Variants in CNST observed in about 807,000 individuals in gnomAD.
The protein encoded by CNST is consortin.
Under a neutral mutation model 72.4 loss-of-function variants are expected in CNST, and 39 were observed. The ratio of observed to expected loss-of-function variants is 0.54; its 90% CI spans 0.42 to 0.70. The LOEUF (loss-of-function observed/expected upper bound fraction) is 0.70. Ranked by LOEUF, CNST falls within the 30% of genes least tolerant of loss-of-function variation. The pLI, the probability that CNST is intolerant of heterozygous loss-of-function variation, is 0.00. For missense variants in CNST, 871 were observed against 868.5 expected, an observed-to-expected ratio of 1.00 and a Z score of -0.04; for synonymous variants, 332 against 320.1, an observed-to-expected ratio of 1.04 and a Z score of -0.40.
intron 5 of CNST, 176 bp from the exon 6 acceptor site, chr1:246,634,297 A>G: frequency 1.8e-6 from 1 of 570,010 alleles, no homozygotes; most frequent in Non-Finnish European, 3.1e-6. Flanking sequence ...AGTCTCTAGG[A>G]TGATATTTAC....
intron 1 of CNST, among the ~76,000 whole-genome samples, chr1:246,570,965 C>T (rs540869352): frequency 6.6e-6 from 1 of 152,238 alleles, no homozygotes; most frequent in South Asian, 2.1e-4. Flanking sequence ...CAGTTTAGGG[C>T]CTTCAAGATT....
At chr1:246,635,567 G>A (rs1345495136) in intron 6 of CNST, among the ~76,000 whole-genome samples, 2 of 152,206 alleles carry the variant, frequency 1.3e-5, no homozygotes, top group Non-Finnish European at 1.5e-5. Context: ...AATTGGAGAT[G>A]TTAAACTTAC....
intron 9 of CNST, among the ~76,000 whole-genome samples, chr1:246,656,481 G>C (rs1003691902): frequency 2.2e-4 from 33 of 152,236 alleles, no homozygotes; most frequent in Middle Eastern, 3.4e-3. Flanking sequence ...TTATAGCTCA[G>C]ACATTCTTTT....
intron 6 of CNST, among the ~76,000 whole-genome samples, chr1:246,634,997 T>C (rs929845780): frequency 5.1e-4 from 21 of 41,406 alleles, no homozygotes; most frequent in Non-Finnish European, 1.0e-3. Context: ...GCCGGCCCTC[T>C]TCCTGCTTCT....
intron 2 of CNST, chr1:246,606,409 C>T (rs1662821879): frequency 6.6e-6 from 1 of 151,980 alleles, no homozygotes; most frequent in Non-Finnish European, 1.5e-5. Context: ...AACCGCTTTT[C>T]CATTATCATC....
At chr1:246,625,253 C>G (rs1664337378) in intron 3 of CNST, among the ~76,000 whole-genome samples, 1 of 152,104 alleles carries the variant, frequency 6.6e-6, no homozygotes, top group Non-Finnish European at 1.5e-5. Context: ...TTGCATTCAA[C>G]TGTCAGTATT....
Position 246,665,175 on chromosome 1 carries a change from C to T in CNST, c.1973-525C>T, listed in dbSNP as rs1426682432. 2.0e-5 allele frequency among the ~76,000 whole-genome samples: 3 copies of T among 152,176 alleles called. 1 individual carries two copies. The South Asian group carries it at 6.2e-4, about 32-fold the overall frequency. Reference sequence around the variant, plus strand: ...ACTTGAGGCCAGGAGTTCAAGACCACCCTCTGCAGCATAGTGAGACCCCAT... The same window carrying T: ...ACTTGAGGCCAGGAGTTCAAGACCATCCTCTGCAGCATAGTGAGACCCCAT... On this transcript the variant is annotated intron_variant, in intron 10 of 10. Transcript: ENST00000366513.
rs752563739 is a variant in CNST, at chr1:246,591,694, C to T, written c.132C>T (p.Asp44=). ...CAGATGAAAATGAAAATCAGCTTGACGGGGACGGGCATGAGCATCTGACCA... is the reference window on the plus strand; with the variant it reads ...CAGATGAAAATGAAAATCAGCTTGATGGGGACGGGCATGAGCATCTGACCA... ...SASDENENQL[D]GDGHEHLTSS... is the part of the protein sequence containing the mutation. Residue 44 remains aspartate, a synonymous_variant, in exon 2 of 11, where the codon GAC becomes GAT. Transcript: ENST00000366513. 1.9e-5 allele frequency: 31 copies of T among 1,614,008 alleles called. No individual in the cohort carries two copies. In the Admixed American group the frequency reaches 3.5e-4, roughly 18 times the overall value.
At chr1:246,604,421 GTTTGT>G (rs1662544673) in intron 2 of CNST, among the ~76,000 whole-genome samples, 1 of 152,076 alleles carries the variant, frequency 6.6e-6, no homozygotes, top group African/African-American at 2.4e-5. Context: ...TTCTCTGTGC[GTTTGT>G]TTTGATCTAT....
intron 1 of CNST, among the ~76,000 whole-genome samples, chr1:246,571,080 T>C (rs1162237221): frequency 2.0e-5 from 3 of 152,228 alleles, no homozygotes; most frequent in African/African-American, 4.8e-5. Flanking sequence ...AATAATTGTT[T>C]GTAATATTCG....
At chr1:246,579,530 A>C (rs531095172) in intron 1 of CNST, among the ~76,000 whole-genome samples, 5 of 152,210 alleles carry the variant, frequency 3.3e-5, no homozygotes, top group Non-Finnish European at 5.9e-5. Context: ...ACACTTTGGG[A>C]GGCCAAAACA....
At chr1:246,652,829 C>T (rs1356463438) in intron 9 of CNST, among the ~76,000 whole-genome samples, 2 of 150,246 alleles carry the variant, frequency 1.3e-5, no homozygotes, top group African/African-American at 2.5e-5. Flanking sequence ...ACGGTGAAAC[C>T]CCGTCTCTAC....
chr1:246,654,700 G>A (rs979897144), intron 9 of CNST, among the ~76,000 whole-genome samples: 11 of 152,052 alleles, frequency 7.2e-5, no homozygotes, highest in Admixed American at 7.2e-4. Flanking sequence ...TTTTTTCTTA[G>A]TTCACTTATA....
chr1:246,629,901 T>G (rs1376569740), intron 3 of CNST, among the ~76,000 whole-genome samples: 2 of 152,154 alleles, frequency 1.3e-5, no homozygotes, highest in Admixed American at 6.5e-5. Context: ...CCAGCTAATT[T>G]TTGTGTTTTT....
At chr1:246,641,710 A>G in intron 6 of CNST, 39 bp from the exon 7 acceptor site, 1 of 1,176,334 alleles carries the variant, frequency 8.5e-7, no homozygotes, top group South Asian at 1.3e-5. Context: ...TGCTGCTGTA[A>G]TTTTTTTAAA....
At chr1:246,599,717 G>A (rs1451248090) in intron 2 of CNST, among the ~76,000 whole-genome samples, 1 of 152,148 alleles carries the variant, frequency 6.6e-6, no homozygotes, top group African/African-American at 2.4e-5. Context: ...GGGGACATGG[G>A]CATCTTTGGG....
At chr1:246,663,110 C>A (rs952392788) in intron 10 of CNST, among the ~76,000 whole-genome samples, 1 of 151,986 alleles carries the variant, frequency 6.6e-6, no homozygotes, top group African/African-American at 2.4e-5. Flanking sequence ...GGGGAAGCCT[C>A]CTCCCAAGTC....
chr1:246,625,166 A>G (rs1214525580), intron 3 of CNST, among the ~76,000 whole-genome samples: 4 of 152,110 alleles, frequency 2.6e-5, no homozygotes, highest in African/African-American at 7.2e-5. Context: ...TCCATATTCA[A>G]ATTTCCCCCA....
At chr1:246,618,848 T>C (rs1663865845) in intron 2 of CNST, among the ~76,000 whole-genome samples, 1 of 152,206 alleles carries the variant, frequency 6.6e-6, no homozygotes, top group Admixed American at 6.5e-5. Flanking sequence ...ACGATGCAGG[T>C]TGCCGATTAT....
Sources: gnomAD v4.1 joint callset for allele counts (sites outside exome capture counted in the v4.1 genomes callset) on GRCh38, gnomAD v4.1.1 for gene constraint, MANE v1.5 for transcripts, NCBI Gene and HGNC (gene_info 2026-07-23, HGNC 2026-07-21) for gene names.